Variants in UNC5D observed in about 807,000 individuals in gnomAD.
The protein encoded by UNC5D is unc-5 netrin receptor D.
In UNC5D, 39 loss-of-function variants were observed where a neutral mutation model predicts 105.4. The ratio of observed to expected loss-of-function variants is 0.37; its 90% confidence interval spans 0.29 to 0.48. UNC5D has a LOEUF of 0.48. Ranked by LOEUF, UNC5D falls within the 20% of genes least tolerant of loss-of-function variation. The pLI is 0.98. For synonymous variants in UNC5D, 452 were observed against 450.4 expected (o/e 1.00, Z -0.04); for missense variants, 991 against 1,202.4 (o/e 0.82, Z 2.60).
intron 1 of UNC5D, among the ~76,000 whole-genome samples, chr8:35,454,557 A>G (rs1808363071): frequency 6.6e-6 from 1 of 152,158 alleles, no homozygotes; most frequent in South Asian, 2.1e-4. Context: ...GAGTCTGCAT[A>G]AAGAAATATT....
intron 1 of UNC5D, among the ~76,000 whole-genome samples, chr8:35,508,034 C>A (rs1812451173): frequency 6.6e-6 from 1 of 152,184 alleles, no homozygotes; most frequent in Non-Finnish European, 1.5e-5. Flanking sequence ...TGGAAGCCCT[C>A]TCACTGTCAC....
intron 1 of UNC5D, among the ~76,000 whole-genome samples, chr8:35,548,512 C>G (rs556432304): frequency 6.6e-6 from 1 of 152,274 alleles, no homozygotes; most frequent in South Asian, 2.1e-4. Context: ...CAGGGAAGTA[C>G]AGTTTTCCCT....
Position 35,564,165 on chromosome 8 carries a change from T to C in UNC5D, c.323-3933T>C, listed in dbSNP as rs571189371. 2.6e-4 allele frequency among the ~76,000 whole-genome samples: 40 copies of C among 152,266 alleles called. 1 individual carries two copies. Among genetic ancestry groups the C allele is most frequent in the Admixed American group, 1.3e-3 (20 of 15,288 alleles). ...TCTCCTCTTCAATTTTTTTTTTAAT[T>C]TTTTGAGACTTGTTTTGTGGCCTAC... is the stretch of plus-strand genomic sequence containing the variant. On this transcript the variant is annotated intron_variant, in intron 2 of 16. Coordinates refer to ENST00000404895, the MANE Select transcript of UNC5D (RefSeq NM_080872.4).
intron 3 of UNC5D, among the ~76,000 whole-genome samples, chr8:35,592,945 C>T (rs888108730): frequency 2.6e-5 from 4 of 151,670 alleles, no homozygotes; most frequent in Non-Finnish European, 5.9e-5. Context: ...TTGGCCTTTT[C>T]TTCTACCCAA....
rs57681405 is a variant in UNC5D, at chr8:35,587,965, AATATATAT to A, written c.467-7567_467-7560del. Among the ~76,000 whole-genome samples the A allele has an allele frequency of 4.7e-4, 49 of 105,096 alleles. 1 individual carries two copies. Among genetic ancestry groups the A allele is most frequent in the African/African-American group, 9.3e-4 (28 of 30,220 alleles). 68.9% of individuals were successfully genotyped at this position (105,096 alleles called of 152,430 possible). ...TTAGGGTTTTTCCTATAACTATAATAATATATATATATATATATATATATATATACTAA... is the reference window on the plus strand; with the variant it reads ...TTAGGGTTTTTCCTATAACTATAATAATATATATATATATATATATACTAA... On this transcript the variant is annotated intron_variant, in intron 3 of 16. Coordinates refer to ENST00000404895, the MANE Select transcript of UNC5D (RefSeq NM_080872.4).
chr8:35,619,765 C>G (rs1334876137), intron 4 of UNC5D, among the ~76,000 whole-genome samples: 1 of 152,204 alleles, frequency 6.6e-6, no homozygotes, highest in Non-Finnish European at 1.5e-5. Flanking sequence ...GAAGACACCT[C>G]CTTTTAGAAT....
intron 4 of UNC5D, among the ~76,000 whole-genome samples, chr8:35,604,435 C>T (rs1043709394): frequency 4.4e-4 from 67 of 152,170 alleles, no homozygotes; most frequent in Non-Finnish European, 3.4e-4. Context: ...ATGGGCTTCC[C>T]TTTGAGGGTA....
chr8:35,543,284 T>A (rs1815399646), intron 1 of UNC5D, among the ~76,000 whole-genome samples: 1 of 151,206 alleles, frequency 6.6e-6, no homozygotes. Context: ...TATTTCAAAG[T>A]AATGTCCTCT....
At chr8:35,426,747 C>T (rs865822720) in intron 1 of UNC5D, among the ~76,000 whole-genome samples, 13 of 152,114 alleles carry the variant, frequency 8.5e-5, no homozygotes, top group Admixed American at 3.9e-4. Flanking sequence ...AGAAATTAAA[C>T]AGCAGGGAGA....
intron 1 of UNC5D, among the ~76,000 whole-genome samples, chr8:35,506,865 G>A (rs1385152197): frequency 6.6e-6 from 1 of 152,124 alleles, no homozygotes; most frequent in Admixed American, 6.5e-5. Context: ...GGTGGGTCAA[G>A]ACTTTTGGAA....
chr8:35,281,717 G>C (rs760660803), intron 1 of UNC5D, among the ~76,000 whole-genome samples: 1 of 152,158 alleles, frequency 6.6e-6, no homozygotes, highest in Non-Finnish European at 1.5e-5. Context: ...TTATAGCTGA[G>C]GTCTAGGACA....
intron 13 of UNC5D, among the ~76,000 whole-genome samples, chr8:35,753,688 A>G (rs924480439): frequency 6.6e-6 from 1 of 152,236 alleles, no homozygotes; most frequent in Admixed American, 6.5e-5. Flanking sequence ...AATGGCAAAT[A>G]AAGCTGCGTT....
At chr8:35,382,229 T>C (rs1188976083) in intron 1 of UNC5D, among the ~76,000 whole-genome samples, 3 of 152,240 alleles carry the variant, frequency 2.0e-5, no homozygotes, top group Admixed American at 2.0e-4. Flanking sequence ...GAAAGGCATC[T>C]AGACGGCTGG....
At chr8:35,339,387 C>G (rs554441574) in intron 1 of UNC5D, among the ~76,000 whole-genome samples, 8 of 152,270 alleles carry the variant, frequency 5.3e-5, no homozygotes, top group Non-Finnish European at 1.2e-4. Flanking sequence ...GGTGGCATAT[C>G]CAGTAAAATG....
At chr8:35,729,734 T>C (rs761116486) in intron 10 of UNC5D, among the ~76,000 whole-genome samples, 1 of 152,196 alleles carries the variant, frequency 6.6e-6, no homozygotes, top group Non-Finnish European at 1.5e-5. Context: ...AGAGTTGGAC[T>C]GGAGGTCTCT....
At chr8:35,369,950 T>C (rs1383882631) in intron 1 of UNC5D, among the ~76,000 whole-genome samples, 4 of 152,180 alleles carry the variant, frequency 2.6e-5, no homozygotes, top group African/African-American at 9.6e-5. Flanking sequence ...TACCTTTGTA[T>C]CCTCTCTCCT....
chr8:35,792,568 A>G lies in UNC5D; in HGVS notation c.*2005A>G, dbSNP rs1412898590. On this transcript the variant is annotated 3_prime_UTR_variant, in exon 17 of 17. Coordinates refer to ENST00000404895, the MANE Select transcript of UNC5D (RefSeq NM_080872.4). ...GATAAACAGCATGAAAATGTAAATC[A>G]TCTGGCATCACTGATAGAATTTCTG... 6.4e-6 allele frequency: 1 copy of G among 156,522 alleles called. No individual in the cohort carries two copies. The highest frequency in any genetic ancestry group is 2.4e-5 in the African/African-American group (1 of 41,472). The allele number at this position is 156,522 out of a possible 1,614,324, so 9.7% of individuals were successfully genotyped here.
intron 3 of UNC5D, among the ~76,000 whole-genome samples, chr8:35,572,576 G>A (rs1324020570): frequency 6.6e-6 from 1 of 152,084 alleles, no homozygotes; most frequent in East Asian, 1.9e-4. Context: ...CAGAGTCCTA[G>A]CTTTCACCCC....
intron 1 of UNC5D, among the ~76,000 whole-genome samples, chr8:35,537,015 A>T (rs1416719558): frequency 6.9e-6 from 1 of 144,674 alleles, no homozygotes; most frequent in Non-Finnish European, 1.5e-5. Context: ...CAAAACAAAC[A>T]ACAACAACAA....
Sources: allele counts gnomAD v4.1 joint callset (sites outside exome capture counted in the v4.1 genomes callset), GRCh38; gene constraint gnomAD v4.1.1; transcripts MANE v1.5; gene names NCBI Gene and HGNC (gene_info 2026-07-23, HGNC 2026-07-21).